CUX1: variants seen among roughly 807,000 people sequenced by gnomAD.
CUX1 encodes cut like homeobox 1, also known as protein CASP.
Under a neutral mutation model 158.8 loss-of-function variants are expected in CUX1, and 31 were observed. The observed-to-expected ratio is 0.20, with a 90% CI of 0.15 to 0.26. CUX1 has a LOEUF of 0.26. CUX1 is among the 10% of genes least tolerant of loss of function. CUX1 has a pLI of 1.00. For missense variants in CUX1, 1,589 were observed against 2,014.6 expected (o/e 0.79, Z 4.04); for synonymous variants, 879 against 862.1 (o/e 1.02, Z -0.34).
chr7:101,950,950 TC>T, intron 2 of CUX1, among the ~76,000 whole-genome samples: 1 of 152,334 alleles, frequency 6.6e-6, no homozygotes, highest in South Asian at 2.1e-4. Flanking sequence ...TGGTCTCACT[TC>T]CTTTGGTTTC....
In CUX1 at chr7:102,118,312, C is replaced by CG. The variant is rs1446476698; in HGVS notation, c.674+3041dup. Among the ~76,000 whole-genome samples, 13 of 152,220 alleles carry CG rather than the reference C, an allele frequency of 8.5e-5. 1 individual carries two copies. Among genetic ancestry groups the CG allele is most frequent in the African/African-American group, 3.1e-4 (13 of 41,554 alleles). On this transcript the variant is annotated intron_variant, in intron 8 of 23. Coordinates refer to ENST00000292535, the MANE Select transcript of CUX1 (RefSeq NM_181552.4). Reference sequence around the variant, plus strand: ...CAGCACTTTGGGAGCCTGAGGCGGGCGGCTCACTTGAGCCCAGGAGTTCAA... The same window carrying CG: ...CAGCACTTTGGGAGCCTGAGGCGGGCGGGCTCACTTGAGCCCAGGAGTTCAA...
intron 3 of CUX1, among the ~76,000 whole-genome samples, chr7:102,048,066 C>T (rs149572562): frequency 1.3e-5 from 2 of 152,252 alleles, no homozygotes; most frequent in Admixed American, 6.5e-5. Context: ...TTTACGTCTA[C>T]AAAGCACCAT....
At chr7:102,261,794 C>T (rs1486197740), downstream of CUX1, among the ~76,000 whole-genome samples, 2 of 152,112 alleles carry the variant, frequency 1.3e-5, no homozygotes, top group Non-Finnish European at 2.9e-5. Context: ...CCTAGTGCTT[C>T]TGTTTCTGTC....
At chr7:102,144,342 C>G (rs1244925740) in intron 8 of CUX1, among the ~76,000 whole-genome samples, 1 of 151,990 alleles carries the variant, frequency 6.6e-6, no homozygotes, top group Admixed American at 6.6e-5. Context: ...TGTTAAATTT[C>G]CGACGTACGC....
At chr7:102,052,212 C>G (rs1244423128) in intron 3 of CUX1, among the ~76,000 whole-genome samples, 1 of 152,130 alleles carries the variant, frequency 6.6e-6, no homozygotes, top group Non-Finnish European at 1.5e-5. Flanking sequence ...CAGAGTGAGA[C>G]TCCATCTAAA....
chr7:101,958,031 A>G (rs1809982110), intron 2 of CUX1, among the ~76,000 whole-genome samples: 1 of 152,172 alleles, frequency 6.6e-6, no homozygotes, highest in Non-Finnish European at 1.5e-5. Flanking sequence ...GAGCTGCTAA[A>G]GTGATTAAAT....
At chr7:102,050,050 G>T (rs78489474) in intron 3 of CUX1, among the ~76,000 whole-genome samples, 9,836 of 152,234 alleles carry the variant, frequency 0.065, 996 homozygotes, top group African/African-American at 0.22. Flanking sequence ...GACTCCCGGG[G>T]TGTAGACACT....
intron 2 of CUX1, among the ~76,000 whole-genome samples, chr7:102,022,196 C>G (rs184417747): frequency 6.6e-6 from 1 of 152,276 alleles, no homozygotes; most frequent in Admixed American, 6.5e-5. Context: ...ACGATTTTGT[C>G]TCTATTTTGC....
intron 2 of CUX1, among the ~76,000 whole-genome samples, chr7:101,946,371 C>T (rs1263795168): frequency 6.6e-6 from 1 of 152,070 alleles, no homozygotes; most frequent in Non-Finnish European, 1.5e-5. Context: ...TGGTGAAACC[C>T]TGTCTCTACT....
At chr7:102,174,707 A>G (rs1394402017) in intron 10 of CUX1, among the ~76,000 whole-genome samples, 6 of 152,228 alleles carry the variant, frequency 3.9e-5, no homozygotes, top group Non-Finnish European at 7.3e-5. Flanking sequence ...GCACTTTGGG[A>G]GGCCAAGGCA....
At chr7:102,046,210 CG>C (rs1207845829) in intron 3 of CUX1, among the ~76,000 whole-genome samples, 2 of 152,116 alleles carry the variant, frequency 1.3e-5, no homozygotes, top group African/African-American at 4.8e-5. Flanking sequence ...GCTGGCACCC[CG>C]GGAAACCCCA....
chr7:102,106,984 T>C (rs1347470051), intron 6 of CUX1, among the ~76,000 whole-genome samples: 3 of 152,096 alleles, frequency 2.0e-5, no homozygotes, highest in African/African-American at 4.8e-5. Flanking sequence ...TCCCAGCACT[T>C]TGAGAGGCTG....
At chr7:101,871,960 G>C (rs1413064490) in intron 1 of CUX1, among the ~76,000 whole-genome samples, 1 of 151,316 alleles carries the variant, frequency 6.6e-6, no homozygotes, top group Non-Finnish European at 1.5e-5. Flanking sequence ...GGAGGTTGCA[G>C]TGAGCCAAGA....
At chr7:101,836,787 G>C (rs1337611157) in intron 1 of CUX1, among the ~76,000 whole-genome samples, 1 of 151,788 alleles carries the variant, frequency 6.6e-6, no homozygotes, top group African/African-American at 2.4e-5. Context: ...CCCGTTGTCT[G>C]CCTGGAGACA....
At chr7:102,172,498 T>C (rs1791838699) in intron 10 of CUX1, among the ~76,000 whole-genome samples, 1 of 152,176 alleles carries the variant, frequency 6.6e-6, no homozygotes, top group Admixed American at 6.6e-5. Flanking sequence ...GTCCTCAGGT[T>C]ATCCACCTCC....
intron 7 of CUX1, among the ~76,000 whole-genome samples, chr7:102,112,560 T>G (rs929333783): frequency 7.9e-6 from 1 of 126,494 alleles, no homozygotes; most frequent in Non-Finnish European, 1.7e-5. Flanking sequence ...TTTCTTTTTT[T>G]GTTTTGTTTT....
intron 10 of CUX1, among the ~76,000 whole-genome samples, chr7:102,172,550 C>G (rs573840709): frequency 1.1e-4 from 17 of 152,226 alleles, no homozygotes; most frequent in African/African-American, 4.1e-4. Flanking sequence ...ATTCCCGGCC[C>G]TATTTTTTTA....
chr7:102,267,116 C>A (rs1790868828), intron 14 of CUX1, among the ~76,000 whole-genome samples: 1 of 152,030 alleles, frequency 6.6e-6, no homozygotes, highest in Non-Finnish European at 1.5e-5. Context: ...CCTGCAGGAT[C>A]TACAGGTGCA....
At position 102,255,801 on chromosome 7, in the gene CUX1, T is replaced by G. The variant is rs1789829514; in HGVS notation, c.*6759T>G. On this transcript the variant is annotated 3_prime_UTR_variant, in exon 24 of 24. Coordinates refer to ENST00000292535, the MANE Select transcript of CUX1 (RefSeq NM_181552.4). ...GAGCTGCTTTTGTTTTATAATTCTT[T>G]TTTCCCCCCTTTTCCTTCTTCTTTT... 1 of 984,936 alleles carries G rather than the reference T, an allele frequency of 1.0e-6. No homozygotes were observed. Among genetic ancestry groups the G allele is most frequent in the Non-Finnish European group, 1.2e-6 (1 of 829,592 alleles). 61.0% of individuals were successfully genotyped at this position (984,936 alleles called of 1,614,324 possible). A position where few individuals can be genotyped will look rare whatever the true frequency, so the allele number is the denominator to read the frequency against.
Sources: allele counts gnomAD v4.1 joint callset (sites outside exome capture counted in the v4.1 genomes callset), GRCh38; gene constraint gnomAD v4.1.1; transcripts MANE v1.5; gene names NCBI Gene and HGNC (gene_info 2026-07-23, HGNC 2026-07-21).